RRAGC: variants seen among roughly 807,000 people sequenced by gnomAD.
The protein encoded by RRAGC is Ras related GTP binding C, also known as ras-related GTP-binding protein C.
RRAGC carries 8 observed loss-of-function variants against 37.1 expected under a neutral mutation model. The observed-to-expected ratio is 0.22, with a 90% CI of 0.13 to 0.39. The LOEUF is 0.39. Ranked by LOEUF, RRAGC falls within the 10% of genes least tolerant of loss-of-function variation. RRAGC has a pLI of 1.00. For missense variants in RRAGC, 342 were observed against 497.6 expected (o/e 0.69, Z 2.98); for synonymous variants, 190 against 181.1 (o/e 1.05, Z -0.39).
At chr1:38,840,844 C>T (rs980792634) in intron 6 of RRAGC, among the ~76,000 whole-genome samples, 2 of 152,130 alleles carry the variant, frequency 1.3e-5, no homozygotes, top group Non-Finnish European at 2.9e-5. Context: ...AGAAAAGAAA[C>T]AAACTATAAA....
At chr1:38,850,512 TAATAAATAAATAAATA>T (rs3072435) in intron 5 of RRAGC, among the ~76,000 whole-genome samples, 3 of 147,906 alleles carry the variant, frequency 2.0e-5, no homozygotes, top group Admixed American at 2.0e-4. Context: ...AGACTCCGTT[TAATAAATAAATAAATA>T]AATAAATAAA....
At chr1:38,842,721 G>A (rs1641979392) in intron 6 of RRAGC, among the ~76,000 whole-genome samples, 1 of 152,210 alleles carries the variant, frequency 6.6e-6, no homozygotes, top group African/African-American at 2.4e-5. Context: ...ACTTGTTCAT[G>A]AGCATTTGTT....
At chr1:38,845,896 G>A (rs1642021672) in intron 6 of RRAGC, 43 bp downstream of exon 6, 2 of 1,507,430 alleles carry the variant, frequency 1.3e-6, no homozygotes, top group Admixed American at 2.1e-5. Context: ...AGAAGTTATG[G>A]CAAAGAAATT....
chr1:38,839,442 G>A lies in RRAGC; in HGVS notation c.*111C>T, dbSNP rs1641923307. The A allele has an allele frequency of 1.7e-6, 2 of 1,192,492 alleles. No individual in the cohort carries two copies. Among genetic ancestry groups the A allele is most frequent in the Admixed American group, 2.4e-5 (1 of 41,698 alleles). 73.9% of individuals were successfully genotyped at this position (1,192,492 alleles called of 1,614,324 possible). ...AGAAACTCTACCCCTTGTCTCTAGT[G>A]GAACAGGCACCAGATTCCCACAAGC... On this transcript the variant is annotated 3_prime_UTR_variant, in exon 7 of 7. Transcript: ENST00000373001.
At chr1:38,847,047 T>A (rs1314612173) in intron 5 of RRAGC, 1 of 151,938 alleles carries the variant, frequency 6.6e-6, no homozygotes, top group Non-Finnish European at 1.5e-5. Context: ...GAGGCAGAGG[T>A]TGCAGTGAAC....
intron 5 of RRAGC, among the ~76,000 whole-genome samples, chr1:38,849,162 A>G (rs938978730): frequency 1.6e-4 from 25 of 151,896 alleles, no homozygotes; most frequent in African/African-American, 5.8e-4. Flanking sequence ...CTGTAGTCCC[A>G]GCTACTCAGG....
chr1:38,859,372 C>T, intron 1 of RRAGC, 38 bp downstream of exon 1: 1 of 1,532,864 alleles, frequency 6.5e-7, no homozygotes. Flanking sequence ...ACCTGAGAAC[C>T]GGGGAGGGGG....
At position 38,859,428 on chromosome 1, in the gene RRAGC, G is replaced by C; in HGVS notation, c.219C>G (p.Gly73=). ...TGCTCACCTTCTGGATGGAGGACTT[G>C]CCGCTGCGCCGGAGTCCCATGAGCA... ...RILLMGLRRS[G]KSSIQKVVFH... The change falls in exon 1 of 7, where the codon GGC becomes GGG. Residue 73 remains glycine, a synonymous_variant. Coordinates refer to ENST00000373001, the MANE Select transcript of RRAGC (RefSeq NM_022157.4). 1.9e-6 allele frequency: 3 copies of C among 1,548,370 alleles called. No homozygotes were observed. The highest frequency in any genetic ancestry group is 1.7e-6 in the Non-Finnish European group (2 of 1,146,550).
intron 3 of RRAGC, among the ~76,000 whole-genome samples, chr1:38,853,861 T>C (rs887742796): frequency 1.3e-5 from 2 of 151,882 alleles, no homozygotes; most frequent in Admixed American, 6.6e-5. Context: ...GATGACCCCA[T>C]AGATACTAGG....
At chr1:38,854,234 A>C (rs2124231168) in intron 3 of RRAGC, among the ~76,000 whole-genome samples, 1 of 152,080 alleles carries the variant, frequency 6.6e-6, no homozygotes, top group African/African-American at 2.4e-5. Context: ...TGCCCGGCTA[A>C]TTTTTTGTAT....
At chr1:38,846,279 C>T in intron 5 of RRAGC, 192 bp from the exon 6 acceptor site, 2 of 535,756 alleles carry the variant, frequency 3.7e-6, no homozygotes, top group Admixed American at 3.9e-5. Flanking sequence ...CTATTAAAAA[C>T]AACAACTCCA....
At chr1:38,858,020 C>T (rs1642187923) in intron 1 of RRAGC, among the ~76,000 whole-genome samples, 1 of 152,126 alleles carries the variant, frequency 6.6e-6, no homozygotes, top group Non-Finnish European at 1.5e-5. Context: ...CATAAAACTA[C>T]TTTGCCTCTT....
chr1:38,859,383 CG>C (rs1437037596), intron 1 of RRAGC, 26 bp downstream of exon 1: 3 of 1,538,348 alleles, frequency 2.0e-6, no homozygotes, highest in Non-Finnish European at 2.6e-6. Flanking sequence ...GGGGAGGGGG[CG>C]GGGGACTGGG....
At chr1:38,841,257 G>C (rs558421804) in intron 6 of RRAGC, among the ~76,000 whole-genome samples, 16 of 152,246 alleles carry the variant, frequency 1.1e-4, no homozygotes, top group African/African-American at 3.4e-4. Flanking sequence ...AGCTCTCCAG[G>C]AAACATGATT....
chr1:38,854,655 T>A (rs1394945059), intron 3 of RRAGC, among the ~76,000 whole-genome samples: 1 of 152,248 alleles, frequency 6.6e-6, no homozygotes, highest in Non-Finnish European at 1.5e-5. Flanking sequence ...GCTGAATTTT[T>A]ATTTTTTTAA....
At chr1:38,850,128 C>T (rs1363290880) in intron 5 of RRAGC, among the ~76,000 whole-genome samples, 3 of 151,900 alleles carry the variant, frequency 2.0e-5, no homozygotes, top group African/African-American at 7.3e-5. Context: ...ATCGTTTGAA[C>T]CCAGGAGGCG....
chr1:38,852,817 A>G (rs1642116109), intron 3 of RRAGC: 3 of 158,766 alleles, frequency 1.9e-5, no homozygotes, highest in Non-Finnish European at 1.4e-5. Flanking sequence ...AAATAAGACT[A>G]AAACCGAGAA....
At chr1:38,848,261 A>G (rs1049210628) in intron 5 of RRAGC, among the ~76,000 whole-genome samples, 2 of 152,192 alleles carry the variant, frequency 1.3e-5, no homozygotes, top group Non-Finnish European at 1.5e-5. Flanking sequence ...AGAGGAAGTT[A>G]TAAGTGCTAC....
At chr1:38,849,949 G>A (rs967088829) in intron 5 of RRAGC, among the ~76,000 whole-genome samples, 2 of 152,102 alleles carry the variant, frequency 1.3e-5, no homozygotes, top group African/African-American at 4.8e-5. Flanking sequence ...GCTCATGCCT[G>A]TAATCCCAGC....
Sources: gnomAD v4.1 joint callset for allele counts (sites outside exome capture counted in the v4.1 genomes callset) on GRCh38, gnomAD v4.1.1 for gene constraint, MANE v1.5 for transcripts, NCBI Gene and HGNC (gene_info 2026-07-23, HGNC 2026-07-21) for gene names.